Variants in PCDHA6 observed in about 807,000 individuals in gnomAD.
PCDHA6 encodes protocadherin alpha 6.
Under a neutral mutation model 60.3 loss-of-function variants are expected in PCDHA6, and 55 were observed. That is an observed-to-expected ratio of 0.91 (90% CI 0.73 to 1.14). PCDHA6 has a LOEUF of 1.14. Ranked by LOEUF, PCDHA6 falls within the 50% of genes most tolerant of loss-of-function variation. The pLI, the probability that PCDHA6 is intolerant of heterozygous loss-of-function variation, is 0.00. For missense variants in PCDHA6, 1,327 were observed against 1,256.5 expected (o/e 1.06, Z -0.85); for synonymous variants, 652 against 557.9 (o/e 1.17, Z -2.38).
chr5:140,876,827 C>G, intron 1 of PCDHA6: 1 of 1,614,182 alleles, frequency 6.2e-7, no homozygotes, highest in Non-Finnish European at 8.5e-7. Flanking sequence ...AACGACAATG[C>G]GCCTGCGTTC....
chr5:140,852,589 T>TA (rs1324602977), intron 1 of PCDHA6: 6 of 884,534 alleles, frequency 6.8e-6, no homozygotes, highest in African/African-American at 2.0e-5. Flanking sequence ...TTTATTTTTT[T>TA]TTTTTGTCAT....
chr5:141,009,955 A>G lies in PCDHA6; in HGVS notation c.*18A>G, dbSNP rs782282264. 6.3e-7 allele frequency: 1 copy of G among 1,592,418 alleles called. No individual in the cohort carries two copies. Among genetic ancestry groups the G allele is most frequent in the African/African-American group, 1.4e-5 (1 of 73,350 alleles). ...ACCAGTGAGGTCCTCAAATGGAAAC[A>G]AGCCACTTAGCCAGTTTTTGTAATA... On this transcript the variant is annotated 3_prime_UTR_variant, in exon 4 of 4. Transcript: ENST00000529310.
At chr5:140,842,005 G>A (rs1777641474) in intron 1 of PCDHA6, 2 of 1,613,756 alleles carry the variant, frequency 1.2e-6, no homozygotes, top group Non-Finnish European at 1.7e-6. Context: ...CTGTTCAGCT[G>A]CTGGTCACAG....
intron 1 of PCDHA6, chr5:140,866,292 A>T (rs1453745216): frequency 6.6e-6 from 1 of 152,182 alleles, no homozygotes; most frequent in East Asian, 1.9e-4. Flanking sequence ...TGGGACAAGT[A>T]TAGATGTTGA....
intron 1 of PCDHA6, among the ~76,000 whole-genome samples, chr5:140,890,952 G>C (rs555852578): frequency 1.9e-4 from 29 of 152,236 alleles, no homozygotes; most frequent in African/African-American, 7.0e-4. Context: ...GGTGAGGAAT[G>C]ATTTCAGGTT....
chr5:140,836,457 G>A (rs2150261358), intron 1 of PCDHA6: 82,082 of 1,613,792 alleles, frequency 0.051, 3,121 homozygotes, highest in Middle Eastern at 0.086. Context: ...CCCAGAGACC[G>A]AGCTGGTGGA....
chr5:140,861,756 T>C (rs1158733756), intron 1 of PCDHA6: 1 of 108,868 alleles, frequency 9.2e-6, no homozygotes, highest in Non-Finnish European at 1.9e-5. Context: ...AATGATTATT[T>C]TTCCCTGGAA....
In PCDHA6 at chr5:140,856,020, G is replaced by C. The variant is rs782082828; in HGVS notation, c.2394+25535G>C. 111 of 1,553,262 alleles carry C rather than the reference G, an allele frequency of 7.1e-5. 11 individuals are homozygous for C. Among genetic ancestry groups the C allele is most frequent in the Non-Finnish European group, 9.5e-5 (109 of 1,143,834 alleles). ...TATGTGCGTTCTAGACCGCTGATTC[G>C]TCGATTTGTAAAACAAGAGAAGGAT... On this transcript the variant is annotated intron_variant, in intron 1 of 3. Coordinates refer to ENST00000529310, the MANE Select transcript of PCDHA6 (RefSeq NM_018909.4).
chr5:140,902,324 C>T (rs1554190388), intron 1 of PCDHA6, among the ~76,000 whole-genome samples: 1 of 151,472 alleles, frequency 6.6e-6, no homozygotes, highest in Non-Finnish European at 1.5e-5. Flanking sequence ...AGGTGTAACT[C>T]ACTTCGCCTG....
chr5:140,853,422 G>A, intron 1 of PCDHA6: 8 of 986,108 alleles, frequency 8.1e-6, no homozygotes, highest in Non-Finnish European at 9.8e-6. Flanking sequence ...GAAAGCAGAA[G>A]AGACACTTTC....
intron 1 of PCDHA6, among the ~76,000 whole-genome samples, chr5:140,962,088 T>C (rs893852980): frequency 6.6e-6 from 1 of 152,092 alleles, no homozygotes; most frequent in Non-Finnish European, 1.5e-5. Flanking sequence ...GGTTTCACCA[T>C]GTTAGCCAGG....
At chr5:140,907,720 C>T (rs1554193113) in intron 1 of PCDHA6, among the ~76,000 whole-genome samples, 1 of 152,208 alleles carries the variant, frequency 6.6e-6, no homozygotes, top group Non-Finnish European at 1.5e-5. Context: ...CATGTGTAAC[C>T]TCCATCCCTG....
chr5:140,966,788 C>A, intron 1 of PCDHA6: 1 of 1,527,436 alleles, frequency 6.5e-7, no homozygotes, highest in African/African-American at 1.4e-5. Flanking sequence ...GGGCACCAGA[C>A]CTGCGGCGAC....
chr5:140,877,015 G>C (rs371309003), intron 1 of PCDHA6: 9 of 1,612,358 alleles, frequency 5.6e-6, no homozygotes, highest in Non-Finnish European at 7.6e-6. Context: ...CGCGGAGAGC[G>C]GCAAGGTGTA....
intron 1 of PCDHA6, among the ~76,000 whole-genome samples, chr5:140,947,396 A>G (rs113635864): frequency 6.6e-6 from 1 of 151,710 alleles, no homozygotes; most frequent in Non-Finnish European, 1.5e-5. Flanking sequence ...CACTAAAAGT[A>G]GACTGTCTTG....
At chr5:140,945,838 G>A (rs1415502139) in intron 1 of PCDHA6, among the ~76,000 whole-genome samples, 2 of 151,896 alleles carry the variant, frequency 1.3e-5, no homozygotes, top group African/African-American at 4.8e-5. Context: ...AACTCAAAAT[G>A]GATTAAAGAC....
chr5:140,883,109 T>A (rs782237873), intron 1 of PCDHA6: 1 of 1,613,962 alleles, frequency 6.2e-7, no homozygotes, highest in Non-Finnish European at 8.5e-7. Context: ...AGTTTACTCA[T>A]TTAGAAGGCC....
intron 1 of PCDHA6, among the ~76,000 whole-genome samples, chr5:140,945,037 T>C (rs2093728945): frequency 6.6e-6 from 1 of 152,178 alleles, no homozygotes; most frequent in Non-Finnish European, 1.5e-5. Context: ...TAATTATCTT[T>C]GGTCTTATAT....
chr5:140,848,206 A>G lies in PCDHA6; in HGVS notation c.2394+17721A>G, dbSNP rs1354979846. The G allele has an allele frequency of 2.7e-5, 9 of 338,544 alleles. No homozygotes were observed. In the East Asian group the frequency reaches 4.5e-4, roughly 17 times the overall value. 21.0% of individuals were successfully genotyped at this position (338,544 alleles called of 1,614,324 possible). A position where few individuals can be genotyped will look rare whatever the true frequency, so the allele number is the denominator to read the frequency against. On this transcript the variant is annotated intron_variant, in intron 1 of 3. Transcript: ENST00000529310. ...GGGATCTTCTGTTTCAACAATCATTACTTAAGAAAAAATTAAGAAAATGAA... is the reference window on the plus strand; with the variant it reads ...GGGATCTTCTGTTTCAACAATCATTGCTTAAGAAAAAATTAAGAAAATGAA...
Sources: allele counts gnomAD v4.1 joint callset (sites outside exome capture counted in the v4.1 genomes callset), GRCh38; gene constraint gnomAD v4.1.1; transcripts MANE v1.5; gene names NCBI Gene and HGNC (gene_info 2026-07-23, HGNC 2026-07-21).